The following VPS13B variants were observed in gnomAD, a reference collection of about 807,000 sequenced individuals.
The protein encoded by VPS13B is intermembrane lipid transfer protein VPS13B.
Under a neutral mutation model 426.4 loss-of-function variants are expected in VPS13B, and 285 were observed. The ratio of observed to expected loss-of-function variants is 0.67; its 90% CI spans 0.61 to 0.74. The LOEUF is 0.74. VPS13B is among the 30% of genes least tolerant of loss of function. The pLI, the probability that VPS13B is intolerant of heterozygous loss-of-function variation, is 0.00. For synonymous variants in VPS13B, 1,676 were observed against 1,676.4 expected (o/e 1.00, Z 0.01); for missense variants, 4,537 against 4,782.6 (o/e 0.95, Z 1.51).
chr8:99,864,040 T>A (rs1337468259), intron 58 of VPS13B, among the ~76,000 whole-genome samples: 3 of 152,192 alleles, frequency 2.0e-5, no homozygotes, highest in African/African-American at 7.2e-5. Context: ...GGACTTCCTT[T>A]GTTTCATGTA....
intron 35 of VPS13B, chr8:99,697,365 G>C: frequency 1.7e-6 from 1 of 586,554 alleles, no homozygotes; most frequent in Non-Finnish European, 3.0e-6. Flanking sequence ...TCAGCCAGAA[G>C]TGCCTGAAGC....
chr8:99,614,507 A>G (rs1045623944), intron 33 of VPS13B, among the ~76,000 whole-genome samples: 29 of 152,034 alleles, frequency 1.9e-4, no homozygotes, highest in Non-Finnish European at 3.4e-4. Flanking sequence ...CGAATGCCCA[A>G]CCTCAAGTGA....
chr8:99,583,185 C>T (rs149939360), intron 33 of VPS13B, among the ~76,000 whole-genome samples: 11 of 152,128 alleles, frequency 7.2e-5, no homozygotes, highest in Admixed American at 3.9e-4. Context: ...TCTAGACCTG[C>T]GGCACACTTG....
At chr8:99,224,825 C>T (rs1441153065) in intron 17 of VPS13B, among the ~76,000 whole-genome samples, 2 of 152,088 alleles carry the variant, frequency 1.3e-5, no homozygotes, top group African/African-American at 2.4e-5. Context: ...TTGGTGGTCA[C>T]GTACCACTCT....
chr8:99,274,551 A>T (rs1481047658), intron 18 of VPS13B, among the ~76,000 whole-genome samples: 1 of 76,712 alleles, frequency 1.3e-5, no homozygotes, highest in Non-Finnish European at 3.6e-5. Flanking sequence ...ATGAATGGTT[A>T]TGAGGGAGAA....
rs1813133939 is a variant in VPS13B at position 99,801,729 on chromosome 8, T to C, written c.7942-7646T>C. On this transcript the variant is annotated intron_variant, in intron 43 of 61. Coordinates refer to ENST00000357162, the MANE Select transcript of VPS13B (RefSeq NM_152564.5). ...TGTAATTATTCTTACTGAATATCTG[T>C]TTATCCTACTATATTGTAAGCATTT... is the stretch of plus-strand genomic sequence containing the variant. Among the ~76,000 whole-genome samples, 5 of 152,316 alleles carry C rather than the reference T, an allele frequency of 3.3e-5. No homozygotes were observed. The South Asian group carries it at 1.0e-3, about 32-fold the overall frequency.
chr8:99,423,128 C>CT (rs1816470424), intron 21 of VPS13B, among the ~76,000 whole-genome samples: 4 of 151,774 alleles, frequency 2.6e-5, no homozygotes, highest in African/African-American at 9.7e-5. Context: ...TCCTTTCTTT[C>CT]TTTTTTGCTG....
chr8:99,118,955 CT>C (rs531631261), intron 7 of VPS13B, among the ~76,000 whole-genome samples: 330 of 152,260 alleles, frequency 2.2e-3, no homozygotes, highest in Middle Eastern at 0.02. Context: ...ACTTCCATAA[CT>C]TTTTTCAATG....
At chr8:99,513,143 G>T (rs1024723001) in intron 29 of VPS13B, among the ~76,000 whole-genome samples, 2 of 151,602 alleles carry the variant, frequency 1.3e-5, no homozygotes, top group South Asian at 2.1e-4. Flanking sequence ...AAAATTCTAG[G>T]TATAGTTTTT....
intron 35 of VPS13B, among the ~76,000 whole-genome samples, chr8:99,661,797 A>G (rs1830236492): frequency 6.6e-6 from 1 of 152,132 alleles, no homozygotes; most frequent in South Asian, 2.1e-4. Flanking sequence ...TAGGTGATTG[A>G]TCTAATCTTC....
intron 3 of VPS13B, among the ~76,000 whole-genome samples, chr8:99,073,527 C>T (rs1844943620): frequency 6.6e-6 from 1 of 151,656 alleles, no homozygotes. Context: ...CTTTTTCTGA[C>T]CATTTTTGGT....
chr8:99,545,737 A>G (rs1042528811), intron 30 of VPS13B, among the ~76,000 whole-genome samples: 1 of 152,082 alleles, frequency 6.6e-6, no homozygotes, highest in African/African-American at 2.4e-5. Flanking sequence ...TTAGTACTAG[A>G]TATTTGTGGA....
rs370701337 is a variant in VPS13B at position 99,817,643 on chromosome 8, G to A, written c.8201G>A (p.Arg2734Gln). Residue 2734 changes from arginine (R) to glutamine (Q), a missense_variant, in exon 45 of 62, where the codon CGG (arginine) becomes CAG (glutamine). Physicochemically the swap from Arg to Gln is conservative, Grantham distance 43. Coordinates refer to ENST00000357162, the MANE Select transcript of VPS13B (RefSeq NM_152564.5). ...YIGQDGQAVV[R>Q]EHFDCLTAKQ... ...GGTCAAGATGGACAAGCTGTAGTTC[G>A]GGAACATTTTGACTGCCTCACAGCC... The A allele has an allele frequency of 5.7e-5, 92 of 1,613,990 alleles. No homozygotes were observed. In the Middle Eastern group the frequency reaches 6.6e-4, roughly 12 times the overall value.
At chr8:99,208,738 T>A (rs1239100372) in intron 17 of VPS13B, among the ~76,000 whole-genome samples, 1 of 152,212 alleles carries the variant, frequency 6.6e-6, no homozygotes, top group Non-Finnish European at 1.5e-5. Flanking sequence ...GACTTCCTAA[T>A]TCTTAATTTT....
At chr8:99,871,795 T>C in intron 61 of VPS13B, 98 bp downstream of exon 61, 2 of 1,594,550 alleles carry the variant, frequency 1.3e-6, no homozygotes, top group Non-Finnish European at 1.7e-6. Context: ...CTGCAGCCTC[T>C]GGAGTGGCTG....
intron 2 of VPS13B, among the ~76,000 whole-genome samples, chr8:99,016,780 CAG>C (rs1354218610): frequency 1.3e-5 from 2 of 151,790 alleles, no homozygotes; most frequent in African/African-American, 2.4e-5. Flanking sequence ...TTAATGGAGA[CAG>C]GGTTTCACCA....
At chr8:99,603,802 G>A (rs1487725353) in intron 33 of VPS13B, among the ~76,000 whole-genome samples, 1 of 152,168 alleles carries the variant, frequency 6.6e-6, no homozygotes, top group Non-Finnish European at 1.5e-5. Context: ...CACAGGTTTT[G>A]TTAATAGGTA....
intron 17 of VPS13B, among the ~76,000 whole-genome samples, chr8:99,246,102 C>T (rs1817201890): frequency 1.3e-5 from 2 of 152,206 alleles, no homozygotes; most frequent in African/African-American, 2.4e-5. Flanking sequence ...CAACATGGTT[C>T]CACTCCATTC....
chr8:99,295,815 C>G (rs1318518405), intron 19 of VPS13B, among the ~76,000 whole-genome samples: 1 of 151,938 alleles, frequency 6.6e-6, no homozygotes, highest in East Asian at 1.9e-4. Context: ...TTGCTTGAGC[C>G]CAGGAATTTG....
Sources: gnomAD v4.1 joint callset for allele counts (sites outside exome capture counted in the v4.1 genomes callset) on GRCh38, gnomAD v4.1.1 for gene constraint, MANE v1.5 for transcripts, NCBI Gene and HGNC (gene_info 2026-07-23, HGNC 2026-07-21) for gene names.